Variants in DACH2 observed in about 807,000 individuals in gnomAD.
DACH2 encodes the protein dachshund family transcription factor 2.
Under a neutral mutation model 35.8 loss-of-function variants are expected in DACH2, and 17 were observed. The observed-to-expected ratio is 0.48, with a 90% CI of 0.33 to 0.71. The LOEUF is 0.71. DACH2 is among the 30% of genes least tolerant of loss of function. The pLI is 0.02. For synonymous variants in DACH2, 195 were observed against 177.3 expected, an observed-to-expected ratio of 1.10 and a Z score of -0.79; for missense variants, 469 against 472.7, an observed-to-expected ratio of 0.99 and a Z score of 0.07.
intron 4 of DACH2, 146 bp from the exon 5 acceptor site, chrX:86,694,875 T>A: frequency 2.3e-6 from 1 of 437,783 alleles, no homozygotes; most frequent in Non-Finnish European, 3.5e-6. Flanking sequence ...TGAAAGTTTT[T>A]GAAACTGTCA....
chrX:86,184,689 T>C (rs997467686), intron 1 of DACH2, among the ~76,000 whole-genome samples: 1 of 111,857 alleles, frequency 8.9e-6, no homozygotes, highest in African/African-American at 3.2e-5. Flanking sequence ...TTACACAAAA[T>C]ATTTTAAAAG....
chrX:86,608,459 G>T (rs1394881004), intron 3 of DACH2, among the ~76,000 whole-genome samples: 2 of 111,890 alleles, frequency 1.8e-5, no homozygotes, highest in African/African-American at 6.5e-5. Context: ...TTCTACTTAG[G>T]ATAAGAGTAG....
At chrX:86,770,347 A>G (rs868378846) in intron 7 of DACH2, among the ~76,000 whole-genome samples, 1 of 111,867 alleles carries the variant, frequency 8.9e-6, no homozygotes, top group African/African-American at 3.2e-5. Context: ...AGTTCAGAAC[A>G]TATTTTGAGG....
chrX:86,321,415 C>T (rs1441079233), intron 1 of DACH2, among the ~76,000 whole-genome samples: 1 of 112,096 alleles, frequency 8.9e-6, no homozygotes, highest in Non-Finnish European at 1.9e-5. Flanking sequence ...CTCTCTCAGT[C>T]TTCCTAAAAA....
chrX:86,190,989 A>G, intron 1 of DACH2, among the ~76,000 whole-genome samples: 1 of 112,059 alleles, frequency 8.9e-6, no homozygotes, highest in Non-Finnish European at 1.9e-5. Context: ...AGATGCTAGC[A>G]AGGTTGTGGA....
At chrX:86,700,134 A>T (rs2041123525) in intron 5 of DACH2, among the ~76,000 whole-genome samples, 1 of 110,550 alleles carries the variant, frequency 9.0e-6, no homozygotes, top group Admixed American at 9.7e-5. Context: ...TTTTAGTATG[A>T]TTTCTTTTTT....
At chrX:86,511,281 T>C (rs1306708586) in intron 2 of DACH2, among the ~76,000 whole-genome samples, 1 of 111,919 alleles carries the variant, frequency 8.9e-6, no homozygotes, top group African/African-American at 3.2e-5. Context: ...TCAGTAGGTC[T>C]AATAGAATAA....
intron 2 of DACH2, among the ~76,000 whole-genome samples, chrX:86,440,230 G>A (rs936792364): frequency 3.6e-5 from 4 of 111,209 alleles, no homozygotes; most frequent in Admixed American, 2.9e-4. Context: ...AGAGTCTCCT[G>A]CTCTAATAGT....
chrX:86,238,298 A>G (rs2033096684), intron 1 of DACH2, among the ~76,000 whole-genome samples: 1 of 111,740 alleles, frequency 8.9e-6, no homozygotes. Flanking sequence ...CCAGGGTGAT[A>G]TTTTAAATAG....
chrX:86,775,584 CA>C (rs2042023944), intron 7 of DACH2, among the ~76,000 whole-genome samples: 1 of 111,304 alleles, frequency 9.0e-6, no homozygotes, highest in South Asian at 3.8e-4. Flanking sequence ...TCCCTTTTGC[CA>C]AAAAGGTTGG....
chrX:86,732,059 G>A (rs1408199808), intron 6 of DACH2, among the ~76,000 whole-genome samples: 2 of 111,880 alleles, frequency 1.8e-5, no homozygotes, highest in Non-Finnish European at 3.8e-5. Flanking sequence ...GTTATTTGTG[G>A]CTACTATATT....
intron 11 of DACH2, among the ~76,000 whole-genome samples, chrX:86,821,606 C>A (rs925352789): frequency 3.6e-5 from 4 of 111,635 alleles, no homozygotes; most frequent in Non-Finnish European, 7.5e-5. Context: ...TGTGAAATAT[C>A]TGTCAGACCA....
At chrX:86,756,422 G>A (rs1224604720) in intron 7 of DACH2, among the ~76,000 whole-genome samples, 1 of 105,977 alleles carries the variant, frequency 9.4e-6, no homozygotes, top group Non-Finnish European at 1.9e-5. Context: ...TCAGAGTTTT[G>A]TAGTTTTTCT....
At chrX:86,226,497 A>G (rs778338492) in intron 1 of DACH2, among the ~76,000 whole-genome samples, 8 of 111,757 alleles carry the variant, frequency 7.2e-5, no homozygotes, top group South Asian at 3.7e-4. Flanking sequence ...AAGCTGTATG[A>G]TACCGGGAAA....
At chrX:86,290,571 C>G (rs1189171714) in intron 1 of DACH2, among the ~76,000 whole-genome samples, 1 of 108,765 alleles carries the variant, frequency 9.2e-6, no homozygotes, top group Non-Finnish European at 1.9e-5. Context: ...ACGTTTAAGT[C>G]TTTAATACAT....
At chrX:86,163,840 A>G (rs1217131303) in intron 1 of DACH2, among the ~76,000 whole-genome samples, 1 of 111,021 alleles carries the variant, frequency 9.0e-6, no homozygotes, top group Non-Finnish European at 1.9e-5. Flanking sequence ...ATGGGCATGT[A>G]TGTTGATTCT....
intron 3 of DACH2, among the ~76,000 whole-genome samples, chrX:86,572,107 G>C (rs950493099): frequency 3.6e-5 from 4 of 111,004 alleles, no homozygotes; most frequent in African/African-American, 1.3e-4. Flanking sequence ...GTGCGGGGAA[G>C]GGGGAGGGAT....
At chrX:86,561,808 C>G (rs1249743052) in intron 3 of DACH2, among the ~76,000 whole-genome samples, 1 of 64,067 alleles carries the variant, frequency 1.6e-5, no homozygotes, top group African/African-American at 6.9e-5. Context: ...CTAGATGACA[C>G]GTTAGTGGGT....
chrX:86,289,096 G>A (rs753009339), intron 1 of DACH2, among the ~76,000 whole-genome samples: 7 of 109,428 alleles, frequency 6.4e-5, no homozygotes, highest in Non-Finnish European at 1.3e-4. Flanking sequence ...CAGTTAGCAG[G>A]TGATGACTTC....
Sources: gnomAD v4.1 joint callset for allele counts (sites outside exome capture counted in the v4.1 genomes callset) on GRCh38, gnomAD v4.1.1 for gene constraint, MANE v1.5 for transcripts, NCBI Gene and HGNC (gene_info 2026-07-23, HGNC 2026-07-21) for gene names.